DISP2: variants seen among roughly 807,000 people sequenced by gnomAD.
The protein encoded by DISP2 is protein dispatched homolog 2.
In DISP2, 59 loss-of-function variants were observed where a neutral mutation model predicts 95.5. The ratio of observed to expected loss-of-function variants is 0.62; its 90% CI spans 0.50 to 0.77. DISP2 has a LOEUF of 0.77. Ranked by LOEUF, DISP2 falls within the 30% of genes least tolerant of loss-of-function variation. The pLI, the probability that DISP2 is intolerant of heterozygous loss-of-function variation, is 0.00. For synonymous variants in DISP2, 827 were observed against 815.0 expected, an observed-to-expected ratio of 1.01 and a Z score of -0.25; for missense variants, 1,752 against 1,854.6, an observed-to-expected ratio of 0.94 and a Z score of 1.02.
Position 40,358,276 on chromosome 15 carries a change from C to T in DISP2, c.-46C>T. ...GCCACCGCCGCCGCCGCCGCCGCCG[C>T]CGCGGCTTCAGCACCAGCGCCCGGA... On this transcript the variant is annotated 5_prime_UTR_variant, in exon 1 of 8. Coordinates refer to ENST00000267889, the MANE Select transcript of DISP2 (RefSeq NM_033510.3). The T allele has an allele frequency of 6.5e-6, 8 of 1,222,718 alleles. No homozygotes were observed. The highest frequency in any genetic ancestry group is 8.1e-6 in the Non-Finnish European group (8 of 986,094). 75.7% of individuals were successfully genotyped at this position (1,222,718 alleles called of 1,614,324 possible). A position where few individuals can be genotyped will look rare whatever the true frequency, so the allele number is the denominator to read the frequency against.
rs1889617873 is a variant in DISP2 at position 40,370,227 on chromosome 15, G to A, written c.4115G>A (p.Gly1372Asp). Reference protein sequence around the residue: ...SWKGRGGPGDGSPVVLPNSQP... With the variant: ...SWKGRGGPGDDSPVVLPNSQP... ...AAGGGCCGAGGGGGGCCAGGGGATG[G>A]CAGCCCTGTGGTGCTGCCCAATAGC... The change falls in exon 8 of 8, where the codon GGC (glycine) becomes GAC (aspartate). Residue 1372 changes from glycine (G) to aspartate (D), a missense_variant. Physicochemically the swap from Gly to Asp is moderately conservative, Grantham distance 94. This residue lies in a region of DISP2 where 347 missense variants were observed against 344.2 expected (regional missense o/e 1.01). Coordinates refer to ENST00000267889, the MANE Select transcript of DISP2 (RefSeq NM_033510.3). The A allele has an allele frequency of 1.2e-6, 2 of 1,604,180 alleles. No individual in the cohort carries two copies. Among genetic ancestry groups the A allele is most frequent in the Admixed American group, 1.7e-5 (1 of 59,024 alleles).
intron 1 of DISP2, among the ~76,000 whole-genome samples, chr15:40,358,663 C>A (rs188846677): frequency 4.6e-5 from 7 of 152,276 alleles, no homozygotes; most frequent in African/African-American, 1.7e-4. Flanking sequence ...CCATCGCCCT[C>A]CCCGCTTAGG....
At chr15:40,363,535 G>A (rs1889439691) in intron 1 of DISP2, 90 bp from the exon 2 acceptor site, 9 of 969,390 alleles carry the variant, frequency 9.3e-6, no homozygotes, top group South Asian at 5.6e-5. Context: ...CTGTCCCCTT[G>A]TCTTGTCTTA....
rs1411716836 is a variant in DISP2, at chr15:40,367,883, T to G, written c.1771T>G (p.Tyr591Asp). 2 of 1,599,056 alleles carry G rather than the reference T, an allele frequency of 1.3e-6. No individual in the cohort carries two copies. The highest frequency in any genetic ancestry group is 3.3e-5 in the Admixed American group (2 of 59,932). Residue 591 changes from tyrosine (Y) to aspartate (D), a missense_variant, in exon 8 of 8, where the codon TAC becomes GAC. Tyr to Asp is a radical substitution (Grantham distance 160). Transcript: ENST00000267889. ...GGGCCGCACCATGCACCACTTCGGC[T>G]ACCTGCTGCTGGTCTCCGGCCTCAC... ...RVGRTMHHFGYLLLVSGLTTS... is the reference protein window; with the variant it reads ...RVGRTMHHFGDLLLVSGLTTS...
At position 40,367,593 on chromosome 15, in the gene DISP2, T is replaced by C; in HGVS notation, c.1481T>C (p.Leu494Pro). Reference sequence around the variant, plus strand: ...GTCCAGGACACGGTGTACCCCTTGCTGGCTCTGGTTGCCATCTTCTTCGGC... The same window carrying C: ...GTCCAGGACACGGTGTACCCCTTGCCGGCTCTGGTTGCCATCTTCTTCGGC... ...FLVQDTVYPL[L>P]ALVAIFFGMA... Residue 494 changes from leucine to proline, a missense_variant, in exon 8 of 8, where the codon CTG becomes CCG. Leu to Pro is a moderately conservative substitution (Grantham distance 98). Around this residue, in one of 5 missense-constraint regions of DISP2, gnomAD observed 732 missense variants for 714.6 expected, o/e 1.02. Transcript: ENST00000267889. 6.2e-7 allele frequency: 1 copy of C among 1,614,022 alleles called. No homozygotes were observed. The highest frequency in any genetic ancestry group is 2.2e-5 in the East Asian group (1 of 44,838).
rs1889660302 is a variant in DISP2, at chr15:40,372,326, C to T, written c.*2008C>T. ...AGGGATTGTTCTAGGGCCAAATAGT[C>T]TGTGGCAGAGCTGGAGGCAAATCAG... On this transcript the variant is annotated 3_prime_UTR_variant, in exon 8 of 8. Coordinates refer to ENST00000267889, the MANE Select transcript of DISP2 (RefSeq NM_033510.3). 6.6e-6 allele frequency: 1 copy of T among 152,180 alleles called. No individual in the cohort carries two copies. Among genetic ancestry groups the T allele is most frequent in the South Asian group, 2.1e-4 (1 of 4,828 alleles). The allele number at this position is 152,180 out of a possible 1,614,324, so 9.4% of individuals were successfully genotyped here.
rs200360572 is a variant in DISP2, at chr15:40,368,955, C to G, written c.2843C>G (p.Thr948Ser). Residue 948 changes from threonine (T) to serine (S), a missense_variant, in exon 8 of 8, where the codon ACT (threonine) becomes AGT (serine). By Grantham distance (58) the Thr-to-Ser change is moderately conservative. Around this residue, in one of 5 missense-constraint regions of DISP2, gnomAD observed 317 missense variants for 394.9 expected, o/e 0.80. Coordinates refer to ENST00000267889, the MANE Select transcript of DISP2 (RefSeq NM_033510.3). ...APPGLRRGWF[T>S]SRLELYSLQH... ...CCAGGCCTCCGCCGTGGTTGGTTCACTAGCCGTCTAGAGCTGTATAGCCTG... is the reference window on the plus strand; with the variant it reads ...CCAGGCCTCCGCCGTGGTTGGTTCAGTAGCCGTCTAGAGCTGTATAGCCTG... The G allele has an allele frequency of 5.0e-6, 8 of 1,613,974 alleles. No individual in the cohort carries two copies. The highest frequency in any genetic ancestry group is 1.6e-4 in the Middle Eastern group (1 of 6,062).
rs1223899984 is a variant in DISP2 at position 40,368,809 on chromosome 15, C to G, written c.2697C>G (p.Ser899Arg). Residue 899 changes from serine (S) to arginine (R), a missense_variant, in exon 8 of 8, where the codon AGC becomes AGG. Ser to Arg is a moderately radical substitution (Grantham distance 110, BLOSUM62 -1). Around this residue, in one of 5 missense-constraint regions of DISP2, gnomAD observed 317 missense variants for 394.9 expected, o/e 0.80. Coordinates refer to ENST00000267889, the MANE Select transcript of DISP2 (RefSeq NM_033510.3). ...GACTCCGCTTTGATGCCCATGGCAG[C>G]CTGGCCGCCCTGGTCCTACAATTCC... Reference protein sequence around the residue: ...DLGLRFDAHGSLAALVLQFQT... With the variant: ...DLGLRFDAHGRLAALVLQFQT... The G allele has an allele frequency of 6.2e-7, 1 of 1,613,956 alleles. No individual in the cohort carries two copies. Among genetic ancestry groups the G allele is most frequent in the African/African-American group, 1.3e-5 (1 of 75,076 alleles).
rs1889464207 is a variant in DISP2 at position 40,364,517 on chromosome 15, G to A, written c.576G>A (p.Arg192=). Residue 192 remains arginine, a synonymous_variant, in exon 4 of 8, where the codon CGG becomes CGA. Coordinates refer to ENST00000267889, the MANE Select transcript of DISP2 (RefSeq NM_033510.3). Reference sequence around the variant, plus strand: ...CCCTGGCTGGACTGTTGGGGGCCCGGCTGCCCGACTTCTCCAAGCCTTTGC... The same window carrying A: ...CCCTGGCTGGACTGTTGGGGGCCCGACTGCCCGACTTCTCCAAGCCTTTGC... The part of the protein sequence containing the change: ...LCTLAGLLGA[R]LPDFSKPLLG... 1 of 1,613,738 alleles carries A rather than the reference G, an allele frequency of 6.2e-7. No individual in the cohort carries two copies. The highest frequency in any genetic ancestry group is 1.7e-5 in the Admixed American group (1 of 60,004).
rs1889717519 is a variant in DISP2, at chr15:40,375,435, A to G, written c.*5117A>G. 6.6e-6 allele frequency: 1 copy of G among 152,082 alleles called. No individual in the cohort carries two copies. Among genetic ancestry groups the G allele is most frequent in the Non-Finnish European group, 1.5e-5 (1 of 68,026 alleles). The allele number at this position is 152,082 out of a possible 1,614,324, so 9.4% of individuals were successfully genotyped here. A position where few individuals can be genotyped will look rare whatever the true frequency, so the allele number is the denominator to read the frequency against. ...ACTGGACCCTCAGCTCTGCCTAGCTAGTATTCATTCTAGCTACTAGTTTTG... is the reference window on the plus strand; with the variant it reads ...ACTGGACCCTCAGCTCTGCCTAGCTGGTATTCATTCTAGCTACTAGTTTTG... On this transcript the variant is annotated 3_prime_UTR_variant, in exon 8 of 8. Transcript: ENST00000267889.
rs980438957 is a variant in DISP2 at position 40,370,935 on chromosome 15, A to G, written c.*617A>G. 1.1e-5 allele frequency: 3 copies of G among 266,200 alleles called. No homozygotes were observed. The highest frequency in any genetic ancestry group is 2.3e-5 in the Non-Finnish European group (3 of 130,198). 16.5% of individuals were successfully genotyped at this position (266,200 alleles called of 1,614,324 possible). The stretch of plus-strand genomic sequence containing the variant: ...AGCCATAGATGGCTGCTGGGTGTGC[A>G]GCAGGAGAAGGAGGATGGTCAGCCT... On this transcript the variant is annotated 3_prime_UTR_variant, in exon 8 of 8. Transcript: ENST00000267889.
chr15:40,358,274 C>G lies in DISP2; in HGVS notation c.-48C>G. 8.2e-7 allele frequency: 1 copy of G among 1,214,194 alleles called. No homozygotes were observed. Among genetic ancestry groups the G allele is most frequent in the Non-Finnish European group, 1.0e-6 (1 of 979,644 alleles). 75.2% of individuals were successfully genotyped at this position (1,214,194 alleles called of 1,614,324 possible). A position where few individuals can be genotyped will look rare whatever the true frequency, so the allele number is the denominator to read the frequency against. On this transcript the variant is annotated 5_prime_UTR_variant, in exon 1 of 8. Transcript: ENST00000267889. ...CCGCCACCGCCGCCGCCGCCGCCGC[C>G]GCCGCGGCTTCAGCACCAGCGCCCG...
In DISP2 at chr15:40,374,587, T is replaced by C. The variant is rs2141266238; in HGVS notation, c.*4269T>C. ...AGAGGATACATTGGTTTACAACCTT[T>C]GCCTATCGTCCAGAGAGTTTCTGAT... On this transcript the variant is annotated 3_prime_UTR_variant, in exon 8 of 8. Transcript: ENST00000267889. 1 of 132,834 alleles carries C rather than the reference T, an allele frequency of 7.5e-6. No individual in the cohort carries two copies. The highest frequency in any genetic ancestry group is 2.6e-4 in the South Asian group (1 of 3,840). The allele number at this position is 132,834 out of a possible 1,614,324, so 8.2% of individuals were successfully genotyped here.
Position 40,369,643 on chromosome 15 carries a change from C to T in DISP2, c.3531C>T (p.Asp1177=). 1 of 1,611,986 alleles carries T rather than the reference C, an allele frequency of 6.2e-7. No individual in the cohort carries two copies. The highest frequency in any genetic ancestry group is 2.2e-5 in the East Asian group (1 of 44,888). ...CACGGCGTCGGAGCCCCAGCTTTGA[C>T]ACCAGCACAGCCACCAGCAAGCTGT... ...PLARRRSPSF[D]TSTATSKLSH... The change falls in exon 8 of 8, where the codon GAC becomes GAT. Residue 1177 remains aspartate (D), a synonymous_variant. Transcript: ENST00000267889.
In DISP2 at chr15:40,365,736, G is replaced by A. The variant is rs367796363; in HGVS notation, c.945+11G>A. On this transcript the variant is annotated intron_variant, in intron 7 of 7. Transcript: ENST00000267889. ...ATGGAACAGGACCAGGTGAGCTGGT[G>A]GGGGAGGTGCCAGGGGTTTGGGGGG... 3 of 1,613,210 alleles carry A rather than the reference G, an allele frequency of 1.9e-6. No homozygotes were observed. The South Asian group carries it at 3.3e-5, about 18-fold the overall frequency.
Position 40,369,736 on chromosome 15 carries a change from A to G in DISP2, c.3624A>G (p.Pro1208=), listed in dbSNP as rs750531615. 16 of 1,608,670 alleles carry G rather than the reference A, an allele frequency of 9.9e-6. No homozygotes were observed. Among genetic ancestry groups the G allele is most frequent in the Non-Finnish European group, 1.2e-5 (14 of 1,179,310 alleles). The part of the protein sequence containing the change: ...LHDGPCCSRP[P]PAPASPRELL... Reference sequence around the variant, plus strand: ...ATGGTCCGTGCTGTTCCCGGCCCCCACCAGCCCCTGCCTCCCCAAGGGAGC... The same window carrying G: ...ATGGTCCGTGCTGTTCCCGGCCCCCGCCAGCCCCTGCCTCCCCAAGGGAGC... Residue 1208 remains proline, a synonymous_variant, in exon 8 of 8, where the codon CCA becomes CCG. Coordinates refer to ENST00000267889, the MANE Select transcript of DISP2 (RefSeq NM_033510.3).
Position 40,358,384 on chromosome 15 carries a change from A to G in DISP2, c.63A>G (p.Glu21=). ...GSGPAPGPGP[E]GEQRPEGEPL... The stretch of plus-strand genomic sequence containing the variant: ...GTCCGGCTCCCGGCCCGGGTCCGGA[A>G]GGGGAGCAACGGCCCGAGGGGGAGC... The change falls in exon 1 of 8, where the codon GAA becomes GAG. Residue 21 remains glutamate, a synonymous_variant. Transcript: ENST00000267889. 7.3e-7 allele frequency: 1 copy of G among 1,367,000 alleles called. No homozygotes were observed. Among genetic ancestry groups the G allele is most frequent in the Non-Finnish European group, 9.4e-7 (1 of 1,060,746 alleles). 84.7% of individuals were successfully genotyped at this position (1,367,000 alleles called of 1,614,324 possible).
rs766056219 is a variant in DISP2 at position 40,369,060 on chromosome 15, C to A, written c.2948C>A (p.Thr983Asn). The A allele has an allele frequency of 6.2e-7, 1 of 1,613,950 alleles. No individual in the cohort carries two copies. The highest frequency in any genetic ancestry group is 8.5e-7 in the Non-Finnish European group (1 of 1,180,052). The change falls in exon 8 of 8, where the codon ACC becomes AAC. Residue 983 changes from threonine to asparagine, a missense_variant. Transcript: ENST00000267889. ...GCCTTTGCCACACTGCTCCTGGGCA[C>A]CTGGAATGTTCCCCTCAGCCTATTC... ...ALAFATLLLG[T>N]WNVPLSLFSV...
intron 1 of DISP2, among the ~76,000 whole-genome samples, chr15:40,361,401 GT>G (rs1889403535): frequency 6.6e-6 from 1 of 152,216 alleles, no homozygotes; most frequent in Non-Finnish European, 1.5e-5. Flanking sequence ...GAAAGCAAAC[GT>G]GTCTTCCACG....
Sources: gnomAD v4.1 joint callset for allele counts (sites outside exome capture counted in the v4.1 genomes callset) on GRCh38, gnomAD v4.1.1 for gene constraint, gnomAD v4.1.1 regional missense constraint, MANE v1.5 for transcripts, NCBI Gene and HGNC (gene_info 2026-07-23, HGNC 2026-07-21) for gene names.